The following PTPRG variants were observed in gnomAD, a reference collection of about 807,000 sequenced individuals.
PTPRG encodes the protein protein tyrosine phosphatase receptor type G, also known as receptor-type tyrosine-protein phosphatase gamma.
A neutral mutation model predicts 165.3 loss-of-function variants in PTPRG; 102 were observed. The ratio of observed to expected loss-of-function variants is 0.62; its 90% CI spans 0.53 to 0.73. The LOEUF (loss-of-function observed/expected upper bound fraction) is 0.73, where lower values mean the gene tolerates loss of function less well. Among genes scored for constraint, PTPRG ranks in the 30% least tolerant of loss-of-function variants. PTPRG has a pLI of 0.00. For missense variants in PTPRG, 1,866 were observed against 1,861.4 expected (o/e 1.00, Z -0.05); for synonymous variants, 675 against 669.5 (o/e 1.01, Z -0.13).
intron 2 of PTPRG, among the ~76,000 whole-genome samples, chr3:61,760,424 A>G (rs1029743568): frequency 4.6e-5 from 7 of 152,152 alleles, no homozygotes; most frequent in South Asian, 4.2e-4. Context: ...TAAAAATCCT[A>G]CCTTAGACCT....
At chr3:62,061,975 G>A (rs1479326366) in intron 4 of PTPRG, among the ~76,000 whole-genome samples, 1 of 151,874 alleles carries the variant, frequency 6.6e-6, no homozygotes, top group Non-Finnish European at 1.5e-5. Flanking sequence ...TACAATGGCT[G>A]GCTGTTGGAG....
chr3:61,742,403 ATTTTTT>A lies in PTPRG; in HGVS notation c.86-6460_86-6455del, dbSNP rs34010935. 2.2e-4 allele frequency: 158 copies of A among 734,600 alleles called. 1 individual carries two copies. Among genetic ancestry groups the A allele is most frequent in the African/African-American group, 7.3e-4 (36 of 49,250 alleles). The allele number at this position is 734,600 out of a possible 1,614,324, so 45.5% of individuals were successfully genotyped here. ...AAGAAATTGGGCCTTTGGGTCTGGA[ATTTTTT>A]TTTTTTTTTTTTTTGAACTGGTAAT... On this transcript the variant is annotated intron_variant, in intron 1 of 29. Transcript: ENST00000474889.
intron 5 of PTPRG, chr3:62,124,561 C>T (rs1207299187): frequency 2.7e-5 from 37 of 1,376,544 alleles, no homozygotes; most frequent in Non-Finnish European, 3.7e-5. Flanking sequence ...GGCGGTGGTC[C>T]AACAGGCTGT....
Position 61,596,417 on chromosome 3 carries a change from CAG to C in PTPRG, c.85+34047_85+34048del, listed in dbSNP as rs1172568885. Among the ~76,000 whole-genome samples the C allele has an allele frequency of 3.4e-5, 5 of 148,526 alleles. No homozygotes were observed. The East Asian group carries it at 7.9e-4, about 23-fold the overall frequency. ...GATTTCACTAGTGGTTTTCAAAACA[CAG>C]AATCTGTTTCAATTCGGATGGATTT... On this transcript the variant is annotated intron_variant, in intron 1 of 29. Transcript: ENST00000474889.
chr3:62,183,557 C>T (rs1255980239), intron 8 of PTPRG, among the ~76,000 whole-genome samples: 1 of 142,500 alleles, frequency 7.0e-6, no homozygotes. Flanking sequence ...GAGTGAGACT[C>T]GTCTCAATTA....
chr3:61,680,743 G>GCTTTTTA (rs766786219), intron 1 of PTPRG, among the ~76,000 whole-genome samples: 22,433 of 135,760 alleles, frequency 0.17, 2,446 homozygotes, highest in Non-Finnish European at 0.21. Flanking sequence ...TATCAGGTGT[G>GCTTTTTA]GTACAGGTTG....
intron 12 of PTPRG, 42 bp from the exon 13 acceptor site, chr3:62,218,809 C>T (rs1385733872): frequency 1.9e-6 from 3 of 1,592,920 alleles, no homozygotes; most frequent in Non-Finnish European, 2.6e-6. Context: ...CTCCCACCTC[C>T]ACTAACCTCT....
At chr3:62,025,095 G>T (rs899122723) in intron 4 of PTPRG, among the ~76,000 whole-genome samples, 1 of 152,130 alleles carries the variant, frequency 6.6e-6, no homozygotes, top group African/African-American at 2.4e-5. Context: ...TCCAGTTTTC[G>T]TATGTGGGCA....
chr3:61,815,225 T>A (rs2035718991), intron 2 of PTPRG, among the ~76,000 whole-genome samples: 1 of 143,040 alleles, frequency 7.0e-6, no homozygotes. Flanking sequence ...GGCGAAACCC[T>A]GTCTCTACTA....
At chr3:62,235,218 A>G (rs1333107292) in intron 14 of PTPRG, among the ~76,000 whole-genome samples, 1 of 152,210 alleles carries the variant, frequency 6.6e-6, no homozygotes, top group African/African-American at 2.4e-5. Flanking sequence ...TTCCAAAATC[A>G]GTGGGATATT....
At position 62,191,545 on chromosome 3, in the gene PTPRG, G is replaced by A. The variant is rs768539358; in HGVS notation, c.1110G>A (p.Pro370=). ...QTALQVSWSQ[P]ETIYHPPIMN... is the part of the protein sequence containing the mutation. The stretch of plus-strand genomic sequence containing the variant: ...CACTGCAGGTGTCCTGGAGCCAGCC[G>A]GAGACTATCTACCACCCACCCATCA... Residue 370 remains proline (P), a synonymous_variant, in exon 9 of 30, where the codon CCG becomes CCA. Coordinates refer to ENST00000474889, the MANE Select transcript of PTPRG (RefSeq NM_002841.4). 19 of 1,613,982 alleles carry A rather than the reference G, an allele frequency of 1.2e-5. No homozygotes were observed. Among genetic ancestry groups the A allele is most frequent in the African/African-American group, 9.3e-5 (7 of 74,902 alleles).
At chr3:62,118,478 C>T (rs111314513) in intron 5 of PTPRG, 16 of 152,266 alleles carry the variant, frequency 1.1e-4, no homozygotes, top group Admixed American at 3.3e-4. Flanking sequence ...GCAAATTCTA[C>T]ACTTGATCTT....
intron 2 of PTPRG, among the ~76,000 whole-genome samples, chr3:61,981,197 G>C (rs78367697): frequency 0.018 from 2,556 of 145,596 alleles, 64 homozygotes; most frequent in South Asian, 0.08. Context: ...AACTCAGTCA[G>C]TATCACTGCA....
At chr3:61,858,114 T>C (rs2037163813) in intron 2 of PTPRG, among the ~76,000 whole-genome samples, 1 of 152,234 alleles carries the variant, frequency 6.6e-6, no homozygotes. Context: ...CCCATTTGTA[T>C]TGTGGGCGTT....
chr3:62,003,402 A>G lies in PTPRG; in HGVS notation c.424A>G (p.Arg142Gly). ...TGTCAGTGGAGCTGGTCTACCTGGCAGATTCAAAGCTGAGAAGGTGGAATT... is the reference window on the plus strand; with the variant it reads ...TGTCAGTGGAGCTGGTCTACCTGGCGGATTCAAAGCTGAGAAGGTGGAATT... Reference protein sequence around the residue: ...YFVSGAGLPGRFKAEKVEFHW... With the variant: ...YFVSGAGLPGGFKAEKVEFHW... The change falls in exon 4 of 30, where the codon AGA becomes GGA. Residue 142 changes from arginine (R) to glycine (G), a missense_variant. Physicochemically the swap from Arg to Gly is moderately radical, Grantham distance 125. Around this residue, in one of 3 missense-constraint regions of PTPRG, gnomAD observed 408 missense variants for 376.2 expected, o/e 1.08. Transcript: ENST00000474889. The G allele has an allele frequency of 6.2e-7, 1 of 1,614,100 alleles. No homozygotes were observed. Among genetic ancestry groups the G allele is most frequent in the Non-Finnish European group, 8.5e-7 (1 of 1,179,952 alleles).
At chr3:61,890,408 C>CTTTGT (rs2038177342) in intron 2 of PTPRG, among the ~76,000 whole-genome samples, 2 of 89,904 alleles carry the variant, frequency 2.2e-5, no homozygotes, top group Non-Finnish European at 3.9e-5. Context: ...GTTTCTTGTT[C>CTTTGT]TTTGTTTTTT....
intron 1 of PTPRG, among the ~76,000 whole-genome samples, chr3:61,652,138 T>G (rs989432917): frequency 6.6e-6 from 1 of 151,966 alleles, no homozygotes; most frequent in African/African-American, 2.4e-5. Flanking sequence ...TAAAACCCCA[T>G]CTCTACTAAA....
At chr3:62,194,855 G>T (rs925280477) in intron 9 of PTPRG, among the ~76,000 whole-genome samples, 1 of 152,048 alleles carries the variant, frequency 6.6e-6, no homozygotes, top group Non-Finnish European at 1.5e-5. Context: ...GAACATTTCG[G>T]TGTTGAAAAC....
intron 2 of PTPRG, among the ~76,000 whole-genome samples, chr3:61,760,591 A>G (rs1013255736): frequency 1.2e-4 from 19 of 152,104 alleles, no homozygotes; most frequent in African/African-American, 4.1e-4. Context: ...TCTGCAACCC[A>G]TTCCTTTGTT....
Sources: allele counts gnomAD v4.1 joint callset (sites outside exome capture counted in the v4.1 genomes callset), GRCh38; gene constraint gnomAD v4.1.1; regional missense constraint gnomAD v4.1.1; transcripts MANE v1.5; gene names NCBI Gene and HGNC (gene_info 2026-07-23, HGNC 2026-07-21).